The following AMMECR1L variants were observed in gnomAD, a reference collection of about 807,000 sequenced individuals.
AMMECR1L encodes AMMECR1 like.
Under a neutral mutation model 36.8 loss-of-function variants are expected in AMMECR1L, and 4 were observed. The ratio of observed to expected loss-of-function variants is 0.11; its 90% CI spans 0.05 to 0.25. The LOEUF (loss-of-function observed/expected upper bound fraction) is 0.25, where lower values mean the gene tolerates loss of function less well. Among genes scored for constraint, AMMECR1L ranks in the 10% least tolerant of loss-of-function variants. The pLI is 1.00. For synonymous variants in AMMECR1L, 147 were observed against 148.0 expected (o/e 0.99, Z 0.05); for missense variants, 232 against 392.1 (o/e 0.59, Z 3.45).
rs143512470 is a variant in AMMECR1L, at chr2:127,873,963, C to G, written c.272G>C (p.Arg91Pro). Reference protein sequence around the residue: ...PASGALSPLPRPNGTANTTKN... With the variant: ...PASGALSPLPPPNGTANTTKN... ...AGTGGTGTTGGCAGTTCCATTAGGCCGGGGAAGAGGGCTCAGCGCTCCCGA... is the reference window on the plus strand; with the variant it reads ...AGTGGTGTTGGCAGTTCCATTAGGCGGGGGAAGAGGGCTCAGCGCTCCCGA... The change falls in exon 3 of 8, where the codon CGG becomes CCG. Residue 91 changes from arginine to proline, a missense_variant. Arg to Pro is a moderately radical substitution (Grantham distance 103). Around this residue, in one of 3 missense-constraint regions of AMMECR1L, gnomAD observed 109 missense variants for 128.1 expected, o/e 0.85. Coordinates refer to ENST00000272647, the MANE Select transcript of AMMECR1L (RefSeq NM_001199140.2). This position sits in a 1 kb window ranked among gnomAD's most constrained non-coding sequence, Gnocchi z 5.2. 4 of 1,614,164 alleles carry G rather than the reference C, an allele frequency of 2.5e-6. No individual in the cohort carries two copies. The highest frequency in any genetic ancestry group is 1.3e-5 in the African/African-American group (1 of 75,012).
In AMMECR1L at chr2:127,874,477, CT is replaced by C. The variant is rs1691135197; in HGVS notation, c.-38-206del. Among the ~76,000 whole-genome samples the C allele has an allele frequency of 6.6e-6, 1 of 152,182 alleles. No individual in the cohort carries two copies. The highest frequency in any genetic ancestry group is 2.1e-4 in the South Asian group (1 of 4,822). On this transcript the variant is annotated intron_variant, in intron 2 of 7. Coordinates refer to ENST00000272647, the MANE Select transcript of AMMECR1L (RefSeq NM_001199140.2). The surrounding 1 kb of genome is among the most constrained non-coding windows in gnomAD (Gnocchi z 5.2). ...TATTTTCCATAAAATTTCCAGATGA[CT>C]ACCATGGATGGAGGCAGGCACCAAG...
At chr2:127,881,744 A>T (rs1194978283) in intron 2 of AMMECR1L, among the ~76,000 whole-genome samples, 1 of 152,250 alleles carries the variant, frequency 6.6e-6, no homozygotes, top group Non-Finnish European at 1.5e-5. Context: ...CACAGCTCTG[A>T]GTGCTTACAA....
chr2:127,883,154 T>A (rs1691592779), intron 2 of AMMECR1L, among the ~76,000 whole-genome samples: 1 of 150,764 alleles, frequency 6.6e-6, no homozygotes, highest in Non-Finnish European at 1.5e-5. Context: ...TGGAGTACAG[T>A]GGCATGATCT....
intron 6 of AMMECR1L, among the ~76,000 whole-genome samples, chr2:127,868,654 A>G (rs780197144): frequency 1.3e-5 from 2 of 152,172 alleles, no homozygotes; most frequent in African/African-American, 2.4e-5. Flanking sequence ...CCTTCTAGAT[A>G]TTCTTTTAAA....
At position 127,873,146 on chromosome 2, in the gene AMMECR1L, C is replaced by T; in HGVS notation, c.407+682G>A. On this transcript the variant is annotated intron_variant, in intron 3 of 7. Transcript: ENST00000272647. The surrounding 1 kb of genome is among the most constrained non-coding windows in gnomAD (Gnocchi z 5.2). The stretch of plus-strand genomic sequence containing the variant: ...TACCCCCAAAACAAAAATAAAAAAA[C>T]AGCAATGCTCTTCAAAGCCAGCTCA... The T allele has an allele frequency of 4.1e-6, 4 of 985,440 alleles. No individual in the cohort carries two copies. The highest frequency in any genetic ancestry group is 4.8e-6 in the Non-Finnish European group (4 of 829,934). 61.0% of individuals were successfully genotyped at this position (985,440 alleles called of 1,614,324 possible). A position where few individuals can be genotyped will look rare whatever the true frequency, so the allele number is the denominator to read the frequency against.
At chr2:127,884,120 C>T (rs1487134282) in intron 2 of AMMECR1L, 83 bp downstream of exon 2, 1 of 152,180 alleles carries the variant, frequency 6.6e-6, no homozygotes, top group African/African-American at 2.4e-5. Flanking sequence ...GAAAACACAC[C>T]TACATCCCAA....
chr2:127,865,554 G>C lies in AMMECR1L; in HGVS notation c.822-349C>G, dbSNP rs917864320. On this transcript the variant is annotated intron_variant, in intron 7 of 7. Coordinates refer to ENST00000272647, the MANE Select transcript of AMMECR1L (RefSeq NM_001199140.2). This position sits in a 1 kb window ranked among gnomAD's most constrained non-coding sequence, Gnocchi z 5.4. ...TACTCGGGTGGCAGATTGGAAGATGGCTGCACCAAAACCCAGTGCAAACTG... is the reference window on the plus strand; with the variant it reads ...TACTCGGGTGGCAGATTGGAAGATGCCTGCACCAAAACCCAGTGCAAACTG... 1.3e-5 allele frequency among the ~76,000 whole-genome samples: 2 copies of C among 152,228 alleles called. No homozygotes were observed. The highest frequency in any genetic ancestry group is 3.8e-4 in the East Asian group (2 of 5,204).
rs199577177 is a variant in AMMECR1L, at chr2:127,877,032, TATAC to T, written c.-38-2764_-38-2761del. Among the ~76,000 whole-genome samples, 4 of 42,464 alleles carry T rather than the reference TATAC, an allele frequency of 9.4e-5. No homozygotes were observed. The South Asian group carries it at 5.7e-3, about 60-fold the overall frequency. 27.9% of individuals were successfully genotyped at this position (42,464 alleles called of 152,430 possible). ...AACTCTGTCTCCAAATATATATATA[TATAC>T]ATATATATATATATATATATGTACA... On this transcript the variant is annotated intron_variant, in intron 2 of 7. Transcript: ENST00000272647.
chr2:127,865,134 C>T lies in AMMECR1L; in HGVS notation c.893G>A (p.Gly298Asp). The change falls in exon 8 of 8, where the codon GGC becomes GAC. Residue 298 changes from glycine (G) to aspartate (D), a missense_variant. Coordinates refer to ENST00000272647, the MANE Select transcript of AMMECR1L (RefSeq NM_001199140.2). The surrounding 1 kb of genome is among the most constrained non-coding windows in gnomAD (Gnocchi z 5.4). The part of the protein sequence containing the change: ...IASRQHCFQN[G>D]TLHAPPLYNH... ...GTAGAGGGGCGGGGCATGAAGAGTGCCGTTCTGGAAACAGTGCTGTCGGGA... is the reference window on the plus strand; with the variant it reads ...GTAGAGGGGCGGGGCATGAAGAGTGTCGTTCTGGAAACAGTGCTGTCGGGA... The T allele has an allele frequency of 6.2e-7, 1 of 1,613,686 alleles. No homozygotes were observed. The highest frequency in any genetic ancestry group is 8.5e-7 in the Non-Finnish European group (1 of 1,179,828).
At chr2:127,867,245 G>GTCCTTCC (rs1318219091) in intron 6 of AMMECR1L, 5 of 985,348 alleles carry the variant, frequency 5.1e-6, no homozygotes, top group Non-Finnish European at 6.0e-6. Context: ...CTGCTCCTGC[G>GTCCTTCC]TCCTTCCTGT....
At chr2:127,877,323 T>C (rs1285081706) in intron 2 of AMMECR1L, among the ~76,000 whole-genome samples, 2 of 144,332 alleles carry the variant, frequency 1.4e-5, no homozygotes, top group Non-Finnish European at 3.0e-5. Context: ...TGCCACTAAG[T>C]GGCAGCGCTA....
At chr2:127,866,340 G>T (rs1690682608) in intron 7 of AMMECR1L, among the ~76,000 whole-genome samples, 1 of 152,172 alleles carries the variant, frequency 6.6e-6, no homozygotes, top group African/African-American at 2.4e-5. Flanking sequence ...CTTACAGACA[G>T]GGAACAGGCT....
In AMMECR1L at chr2:127,869,556, A is replaced by G. The variant is rs748231784; in HGVS notation, c.634-12T>C. ...CCATGGACCCCTACCTATAGAAAAA[A>G]GTACAACCAAGTAAATGGCATTTAC... On this transcript the variant is annotated splice_polypyrimidine_tract_variant and intron_variant, in intron 5 of 7. Transcript: ENST00000272647. The surrounding 1 kb of genome is among the most constrained non-coding windows in gnomAD (Gnocchi z 4.7). 1 of 1,596,548 alleles carries G rather than the reference A, an allele frequency of 6.3e-7. No homozygotes were observed. The highest frequency in any genetic ancestry group is 8.6e-7 in the Non-Finnish European group (1 of 1,164,038).
rs1286384989 is a variant in AMMECR1L at position 127,864,934 on chromosome 2, C to A, written c.*160G>T. 4 of 566,896 alleles carry A rather than the reference C, an allele frequency of 7.1e-6. No individual in the cohort carries two copies. The highest frequency in any genetic ancestry group is 5.7e-5 in the African/African-American group (3 of 52,512). 35.1% of individuals were successfully genotyped at this position (566,896 alleles called of 1,614,324 possible). A position where few individuals can be genotyped will look rare whatever the true frequency, so the allele number is the denominator to read the frequency against. On this transcript the variant is annotated 3_prime_UTR_variant, in exon 8 of 8. Transcript: ENST00000272647. ...TCTGTTTCGTTCAAGGTAACCCTACCCTCCCTCAGTCAGCGGGAGGCAGAC... is the reference window on the plus strand; with the variant it reads ...TCTGTTTCGTTCAAGGTAACCCTACACTCCCTCAGTCAGCGGGAGGCAGAC...
rs2104761653 is a variant in AMMECR1L at position 127,874,017 on chromosome 2, T to C, written c.218A>G (p.Asn73Ser). Residue 73 changes from asparagine (N) to serine (S), a missense_variant, in exon 3 of 8, where the codon AAC becomes AGC. Asn to Ser is a conservative substitution (Grantham distance 46). Around this residue, in one of 3 missense-constraint regions of AMMECR1L, gnomAD observed 109 missense variants for 128.1 expected, o/e 0.85. Transcript: ENST00000272647. The surrounding 1 kb of genome is among the most constrained non-coding windows in gnomAD (Gnocchi z 5.2). Reference protein sequence around the residue: ...NVSDLTLGPGNSPITRMNPAS... With the variant: ...NVSDLTLGPGSSPITRMNPAS... ...GGGATTCATTCGTGTGATGGGAGAG[T>C]TTCCAGGTCCCAGAGTTAAGTCTGA... The C allele has an allele frequency of 6.2e-7, 1 of 1,613,916 alleles. No homozygotes were observed. Among genetic ancestry groups the C allele is most frequent in the Non-Finnish European group, 8.5e-7 (1 of 1,179,976 alleles).
chr2:127,871,620 C>T lies in AMMECR1L; in HGVS notation c.408-261G>A, dbSNP rs1043965522. ...TGCTGACAGCTTTAATTCACTTTGC[C>T]GCCAAATTTACATGCTACTTTCCTC... On this transcript the variant is annotated intron_variant, in intron 3 of 7. Coordinates refer to ENST00000272647, the MANE Select transcript of AMMECR1L (RefSeq NM_001199140.2). The surrounding 1 kb of genome is among the most constrained non-coding windows in gnomAD (Gnocchi z 4.3). Among the ~76,000 whole-genome samples the T allele has an allele frequency of 1.3e-5, 2 of 152,138 alleles. No homozygotes were observed. Among genetic ancestry groups the T allele is most frequent in the African/African-American group, 4.8e-5 (2 of 41,408 alleles).
chr2:127,873,783 T>C lies in AMMECR1L; in HGVS notation c.407+45A>G, dbSNP rs764234929. On this transcript the variant is annotated intron_variant, in intron 3 of 7. Transcript: ENST00000272647. This position sits in a 1 kb window ranked among gnomAD's most constrained non-coding sequence, Gnocchi z 5.2. ...TCTCAAGAGAATCACCCCAGAAAGA[T>C]GTCACCATGCCTTCCTCAGTGCCCC... is the stretch of plus-strand genomic sequence containing the variant. The C allele has an allele frequency of 1.2e-6, 2 of 1,611,948 alleles. No homozygotes were observed. Among genetic ancestry groups the C allele is most frequent in the African/African-American group, 1.3e-5 (1 of 74,992 alleles).
chr2:127,882,619 G>A (rs748364520), intron 2 of AMMECR1L, among the ~76,000 whole-genome samples: 4 of 151,774 alleles, frequency 2.6e-5, no homozygotes, highest in Non-Finnish European at 5.9e-5. Context: ...TTGGAGACAG[G>A]GTCTCCGTCT....
intron 3 of AMMECR1L, among the ~76,000 whole-genome samples, chr2:127,872,207 A>T (rs1327580031): frequency 6.6e-6 from 1 of 150,486 alleles, no homozygotes; most frequent in Non-Finnish European, 1.5e-5. Context: ...AAAAAAAAAA[A>T]GATTAAAAAA....
Sources: gnomAD v4.1 joint callset for allele counts (sites outside exome capture counted in the v4.1 genomes callset) on GRCh38, gnomAD v4.1.1 for gene constraint, gnomAD v4.1.1 regional missense constraint, Gnocchi (gnomAD v3.1) non-coding constraint, MANE v1.5 for transcripts, NCBI Gene and HGNC (gene_info 2026-07-23, HGNC 2026-07-21) for gene names.